The following TTC7A variants were observed in gnomAD, a reference collection of about 807,000 sequenced individuals.
TTC7A encodes tetratricopeptide repeat domain 7A.
In TTC7A, 110 loss-of-function variants were observed where a neutral mutation model predicts 103.7. That is an observed-to-expected ratio of 1.06 (90% CI 0.91 to 1.24). The LOEUF (loss-of-function observed/expected upper bound fraction) is 1.24. TTC7A is among the 50% of genes most tolerant of loss of function. TTC7A has a pLI of 0.00. For missense variants in TTC7A, 1,340 were observed against 1,116.3 expected, an observed-to-expected ratio of 1.20 and a Z score of -2.86; for synonymous variants, 521 against 467.9, an observed-to-expected ratio of 1.11 and a Z score of -1.47.
chr2:46,965,749 G>A (rs775996285), intron 3 of TTC7A, among the ~76,000 whole-genome samples: 29 of 152,048 alleles, frequency 1.9e-4, no homozygotes, highest in Non-Finnish European at 2.9e-4. Flanking sequence ...TTTCAGTAGA[G>A]ATGGGGTTTC....
chr2:46,982,826 A>G (rs1264277617), intron 5 of TTC7A, among the ~76,000 whole-genome samples: 3 of 151,852 alleles, frequency 2.0e-5, no homozygotes, highest in Non-Finnish European at 1.5e-5. Context: ...AATTAGCTGG[A>G]CATCGTGGTG....
At chr2:46,925,992 A>G (rs1270759465) in intron 2 of TTC7A, among the ~76,000 whole-genome samples, 1 of 152,156 alleles carries the variant, frequency 6.6e-6, no homozygotes, top group African/African-American at 2.4e-5. Context: ...CTTAACCTGG[A>G]AAGTTTGGGT....
At chr2:47,003,400 G>T (rs892474146) in intron 8 of TTC7A, among the ~76,000 whole-genome samples, 1 of 152,196 alleles carries the variant, frequency 6.6e-6, no homozygotes, top group Admixed American at 6.5e-5. Context: ...GGTAGAAGGT[G>T]TCCAGGTTGA....
intron 11 of TTC7A, among the ~76,000 whole-genome samples, chr2:47,013,128 A>G (rs1394131401): frequency 6.6e-6 from 1 of 152,104 alleles, no homozygotes; most frequent in East Asian, 1.9e-4. Context: ...AAGTAGGGAG[A>G]GGGCTGGACG....
chr2:46,991,248 T>TG (rs1675596987), intron 5 of TTC7A, among the ~76,000 whole-genome samples: 1 of 151,894 alleles, frequency 6.6e-6, no homozygotes, highest in South Asian at 2.1e-4. Flanking sequence ...CAGGTCTGGG[T>TG]GGGGGTCTCA....
At chr2:47,062,208 A>C (rs760506451) in intron 19 of TTC7A, among the ~76,000 whole-genome samples, 1 of 152,236 alleles carries the variant, frequency 6.6e-6, no homozygotes, top group Non-Finnish European at 1.5e-5. Flanking sequence ...AGAGAATGCA[A>C]CGTCATGGGG....
chr2:47,062,611 G>A (rs1237242079), intron 19 of TTC7A, among the ~76,000 whole-genome samples: 1 of 152,252 alleles, frequency 6.6e-6, no homozygotes, highest in African/African-American at 2.4e-5. Flanking sequence ...AGGCAGAGAT[G>A]TCTGCCTTCC....
chr2:47,049,814 C>G, intron 16 of TTC7A, 135 bp from the exon 17 acceptor site: 1 of 666,594 alleles, frequency 1.5e-6, no homozygotes, highest in East Asian at 2.7e-5. Flanking sequence ...CCTGAACCCA[C>G]AGCCCCAGAG....
At chr2:46,919,178 T>G (rs1177509201) in intron 2 of TTC7A, among the ~76,000 whole-genome samples, 4 of 152,262 alleles carry the variant, frequency 2.6e-5, no homozygotes, top group Non-Finnish European at 4.4e-5. Flanking sequence ...GCTTTGATGT[T>G]GTAAACTACA....
At chr2:46,967,434 G>A (rs925066346) in intron 3 of TTC7A, among the ~76,000 whole-genome samples, 9 of 151,984 alleles carry the variant, frequency 5.9e-5, no homozygotes, top group African/African-American at 2.2e-4. Context: ...CTAACCCCTG[G>A]CAACCACTCT....
Position 46,974,970 on chromosome 2 carries a change from C to T in TTC7A, c.518-3C>T, listed in dbSNP as rs1221237607. The stretch of plus-strand genomic sequence containing the variant: ...GGTCTGAGGCACCCTCTTCCTCCCG[C>T]AGGCCTCTCTCTGGAACGCCTACCC... On this transcript the variant is annotated splice_region_variant and splice_polypyrimidine_tract_variant and intron_variant, in intron 3 of 19. Coordinates refer to ENST00000319190, the MANE Select transcript of TTC7A (RefSeq NM_020458.4). 1 of 1,613,238 alleles carries T rather than the reference C, an allele frequency of 6.2e-7. No homozygotes were observed. Among genetic ancestry groups the T allele is most frequent in the Non-Finnish European group, 8.5e-7 (1 of 1,179,656 alleles).
At chr2:47,057,098 C>T (rs563440961) in intron 18 of TTC7A, among the ~76,000 whole-genome samples, 6 of 152,234 alleles carry the variant, frequency 3.9e-5, no homozygotes, top group African/African-American at 1.4e-4. Context: ...AGCTATCTGA[C>T]CATGGCTAGC....
chr2:46,977,650 A>G (rs181833729), intron 4 of TTC7A, among the ~76,000 whole-genome samples: 7 of 152,350 alleles, frequency 4.6e-5, no homozygotes, highest in African/African-American at 1.4e-4. Flanking sequence ...TAACTGATAC[A>G]TAGTAGAAAT....
chr2:47,012,405 G>C (rs1471619372), intron 11 of TTC7A, among the ~76,000 whole-genome samples: 1 of 152,158 alleles, frequency 6.6e-6, no homozygotes. Context: ...CTGCTCTCCA[G>C]GCCCAGGGTC....
intron 2 of TTC7A, among the ~76,000 whole-genome samples, chr2:46,932,849 G>A (rs1669780735): frequency 6.8e-6 from 1 of 146,474 alleles, no homozygotes; most frequent in Non-Finnish European, 1.5e-5. Context: ...TGCAGCAAGC[G>A]CAGATCGCAC....
rs1177656195 is a variant in TTC7A, at chr2:47,024,357, C to G, written c.1639C>G (p.Gln547Glu). The G allele has an allele frequency of 2.5e-6, 4 of 1,605,486 alleles. No individual in the cohort carries two copies. Among genetic ancestry groups the G allele is most frequent in the Non-Finnish European group, 3.4e-6 (4 of 1,176,222 alleles). Residue 547 changes from glutamine to glutamate, a missense_variant and splice_region_variant, in exon 14 of 20, where the codon CAG (glutamine) becomes GAG (glutamate). By Grantham distance (29) the Gln-to-Glu change is conservative. Transcript: ENST00000319190. ...CTCGCTGCAGCTGGCCCTCGTCCGA[C>G]AGGTGGGTTGTCCGTGTTCCTAACC... Reference protein sequence around the residue: ...YVSLQLALVRQISSAMEQLQE... With the variant: ...YVSLQLALVREISSAMEQLQE...
chr2:46,971,944 C>A (rs1463498558), intron 3 of TTC7A, among the ~76,000 whole-genome samples: 52 of 142,290 alleles, frequency 3.7e-4, no homozygotes, highest in African/African-American at 1.3e-3. Flanking sequence ...GAAAGAAAGA[C>A]AGGAAGGGAC....
At chr2:46,917,085 G>C in intron 1 of TTC7A, 1 of 677,104 alleles carries the variant, frequency 1.5e-6, no homozygotes, top group Admixed American at 2.3e-5. Context: ...TGCCATTGAC[G>C]GTCTCATTCC....
chr2:46,929,245 A>C (rs1669566968), intron 2 of TTC7A, among the ~76,000 whole-genome samples: 1 of 151,906 alleles, frequency 6.6e-6, no homozygotes, highest in South Asian at 2.1e-4. Flanking sequence ...GCACTTTGGG[A>C]AGCTAAGGTA....
Sources: gnomAD v4.1 joint callset for allele counts (sites outside exome capture counted in the v4.1 genomes callset) on GRCh38, gnomAD v4.1.1 for gene constraint, MANE v1.5 for transcripts, NCBI Gene and HGNC (gene_info 2026-07-23, HGNC 2026-07-21) for gene names.